Variants in TTC13 observed in about 807,000 individuals in gnomAD.
The protein encoded by TTC13 is tetratricopeptide repeat domain 13, also known as tetratricopeptide repeat protein 13.
A neutral mutation model predicts 120.0 loss-of-function variants in TTC13; 62 were observed. That is an observed-to-expected ratio of 0.52 (90% CI 0.42 to 0.64). TTC13 has a LOEUF of 0.64. Ranked by LOEUF, TTC13 falls within the 30% of genes least tolerant of loss-of-function variation. TTC13 has a pLI of 0.00. For synonymous variants in TTC13, 384 were observed against 393.5 expected (o/e 0.98, Z 0.28); for missense variants, 824 against 1,050.2 (o/e 0.78, Z 2.98).
At chr1:230,961,428 G>C (rs1444701022) in intron 1 of TTC13, 125 bp from the exon 2 acceptor site, 6 of 669,750 alleles carry the variant, frequency 9.0e-6, no homozygotes, top group Non-Finnish European at 1.5e-5. Context: ...AACACTAAAA[G>C]TGGCAACCAG....
intron 14 of TTC13, among the ~76,000 whole-genome samples, chr1:230,924,219 TG>T: frequency 6.6e-6 from 1 of 152,256 alleles, no homozygotes. Flanking sequence ...GTAAAGGGAC[TG>T]GTCCAGCGAA....
rs749022719 is a variant in TTC13, at chr1:230,911,290, T to C, written c.2309+180A>G. 6.0e-6 allele frequency: 3 copies of C among 496,316 alleles called. No homozygotes were observed. In the East Asian group the frequency reaches 1.0e-4, roughly 17 times the overall value. The allele number at this position is 496,316 out of a possible 1,614,324, so 30.7% of individuals were successfully genotyped here. ...CACACTATATTAGAACTGTCTTCTA[T>C]AATTCTTTTGCTGATGTGATAGACT... On this transcript the variant is annotated intron_variant, in intron 20 of 22. Coordinates refer to ENST00000366661, the MANE Select transcript of TTC13 (RefSeq NM_024525.5).
chr1:230,920,959 GT>G (rs745826545), intron 16 of TTC13, among the ~76,000 whole-genome samples: 8 of 152,016 alleles, frequency 5.3e-5, no homozygotes, highest in Non-Finnish European at 1.0e-4. Flanking sequence ...GTTTTGTGTT[GT>G]TTTTTTCCTT....
At position 230,931,812 on chromosome 1, in the gene TTC13, T is replaced by C. The variant is rs1673587402; in HGVS notation, c.1049A>G (p.His350Arg). 3 of 1,614,162 alleles carry C rather than the reference T, an allele frequency of 1.9e-6. No homozygotes were observed. Among genetic ancestry groups the C allele is most frequent in the Non-Finnish European group, 2.5e-6 (3 of 1,180,016 alleles). ...FQKALLLNQN[H>R]VQTLQLRGMM... ...TCCCCGGAGCTGGAGGGTTTGCACA[T>C]GATTTTGGTTGAGCAACAGTGCCTT... The change falls in exon 10 of 23, where the codon CAT becomes CGT. Residue 350 changes from histidine (H) to arginine (R), a missense_variant. This residue lies in a region of TTC13 where 430 missense variants were observed against 626.8 expected (regional missense o/e 0.69). Coordinates refer to ENST00000366661, the MANE Select transcript of TTC13 (RefSeq NM_024525.5).
At chr1:230,963,287 G>A (rs1258928690) in intron 1 of TTC13, among the ~76,000 whole-genome samples, 1 of 152,106 alleles carries the variant, frequency 6.6e-6, no homozygotes, top group Non-Finnish European at 1.5e-5. Flanking sequence ...GCCCTGGGGT[G>A]GTGAACCATT....
chr1:230,921,548 A>C, intron 15 of TTC13, 44 bp from the exon 16 acceptor site: 1 of 997,500 alleles, frequency 1.0e-6, no homozygotes, highest in Middle Eastern at 2.9e-4. Context: ...TTTATAGAAG[A>C]ATATGCTCAA....
At chr1:230,909,320 C>A (rs1382383323) in intron 20 of TTC13, among the ~76,000 whole-genome samples, 2 of 150,542 alleles carry the variant, frequency 1.3e-5, no homozygotes, top group African/African-American at 2.5e-5. Context: ...CATGGCGAAA[C>A]CCTGTCTCTA....
At chr1:230,970,266 C>T (rs1370750035) in intron 1 of TTC13, among the ~76,000 whole-genome samples, 7 of 152,252 alleles carry the variant, frequency 4.6e-5, no homozygotes, top group Admixed American at 2.6e-4. Context: ...AGCACATTGA[C>T]GAGGACAAAA....
chr1:230,939,379 C>G lies in TTC13; in HGVS notation c.900+7G>C, dbSNP rs752930883. The G allele has an allele frequency of 6.3e-7, 1 of 1,589,400 alleles. No individual in the cohort carries two copies. Among genetic ancestry groups the G allele is most frequent in the African/African-American group, 1.3e-5 (1 of 74,436 alleles). ...TCATATGGTACACATATGCACAACACTTTCACCTTCAGAAGTCCTCTGTGA... is the reference window on the plus strand; with the variant it reads ...TCATATGGTACACATATGCACAACAGTTTCACCTTCAGAAGTCCTCTGTGA... On this transcript the variant is annotated splice_region_variant and intron_variant, in intron 8 of 22. Transcript: ENST00000366661.
intron 1 of TTC13, among the ~76,000 whole-genome samples, chr1:230,968,611 A>T (rs2102993356): frequency 6.6e-6 from 1 of 152,264 alleles, no homozygotes; most frequent in South Asian, 2.1e-4. Flanking sequence ...AAATGAGCAA[A>T]GTCTGAATGG....
chr1:230,912,825 T>C (rs1265173599), intron 18 of TTC13, 67 bp from the exon 19 acceptor site: 12 of 1,503,132 alleles, frequency 8.0e-6, no homozygotes, highest in South Asian at 2.4e-5. Flanking sequence ...ACAGAAAGTT[T>C]TTTTTAAAAA....
At chr1:230,946,284 A>C (rs1674989080) in intron 4 of TTC13, among the ~76,000 whole-genome samples, 1 of 152,218 alleles carries the variant, frequency 6.6e-6, no homozygotes, top group Admixed American at 6.5e-5. Context: ...TAAGGGATTT[A>C]ATAGAATGGC....
At chr1:230,910,372 C>T (rs1205978599) in intron 20 of TTC13, among the ~76,000 whole-genome samples, 3 of 152,212 alleles carry the variant, frequency 2.0e-5, no homozygotes, top group Admixed American at 2.0e-4. Context: ...GCAGGGCTAG[C>T]ACTGCGCACT....
At chr1:230,914,552 G>T (rs1056804789) in intron 18 of TTC13, among the ~76,000 whole-genome samples, 1 of 151,934 alleles carries the variant, frequency 6.6e-6, no homozygotes, top group Non-Finnish European at 1.5e-5. Context: ...GCGCCACCAG[G>T]CCTGGCTAAT....
At chr1:230,958,892 G>C (rs113182922) in intron 2 of TTC13, among the ~76,000 whole-genome samples, 161 of 152,286 alleles carry the variant, frequency 1.1e-3, no homozygotes, top group African/African-American at 3.7e-3. Context: ...ACTTGGTTGG[G>C]GCTGAGGCAG....
intron 19 of TTC13, among the ~76,000 whole-genome samples, chr1:230,911,823 G>C (rs1671536001): frequency 6.6e-6 from 1 of 152,070 alleles, no homozygotes; most frequent in South Asian, 2.1e-4. Flanking sequence ...AACGTTATTT[G>C]AAATGTCAAA....
chr1:230,931,739 A>G lies in TTC13; in HGVS notation c.1122T>C (p.Phe374=). The change falls in exon 10 of 23, where the codon TTT becomes TTC. Residue 374 remains phenylalanine (F), a synonymous_variant. Coordinates refer to ENST00000366661, the MANE Select transcript of TTC13 (RefSeq NM_024525.5). ...GTTCTTATTTATGGATGCTCACCTT[A>G]AAGTTCTTAAGGGCTTCCTGTAAGC... ...HGSLQEALKN[F]KRCLQLEPYN... The G allele has an allele frequency of 6.2e-7, 1 of 1,613,902 alleles. No individual in the cohort carries two copies.
intron 4 of TTC13, among the ~76,000 whole-genome samples, chr1:230,950,343 C>A (rs1262465002): frequency 6.6e-6 from 1 of 151,996 alleles, no homozygotes; most frequent in African/African-American, 2.4e-5. Flanking sequence ...ATACTTCAAT[C>A]TTCCAATTTT....
intron 19 of TTC13, 69 bp downstream of exon 19, chr1:230,912,554 G>C: frequency 6.5e-7 from 1 of 1,528,916 alleles, no homozygotes; most frequent in Non-Finnish European, 8.9e-7. Context: ...CAGTGAAAGG[G>C]CAGAGGTTCA....
Sources: gnomAD v4.1 joint callset for allele counts (sites outside exome capture counted in the v4.1 genomes callset) on GRCh38, gnomAD v4.1.1 for gene constraint, gnomAD v4.1.1 regional missense constraint, MANE v1.5 for transcripts, NCBI Gene and HGNC (gene_info 2026-07-23, HGNC 2026-07-21) for gene names.